The following FGD6 variants were observed in gnomAD, a reference collection of about 807,000 sequenced individuals.
FGD6 encodes FYVE, RhoGEF and PH domain-containing protein 6.
Under a neutral mutation model 149.4 loss-of-function variants are expected in FGD6, and 90 were observed. The ratio of observed to expected loss-of-function variants is 0.60; its 90% confidence interval spans 0.51 to 0.72. FGD6 has a LOEUF of 0.72. Ranked by LOEUF, FGD6 falls within the 30% of genes least tolerant of loss-of-function variation. The probability of loss-of-function intolerance (pLI) is 0.00; values close to 1 mark genes in which losing one functional copy is unlikely to be tolerated. For missense variants in FGD6, 1,437 were observed against 1,684.8 expected (o/e 0.85, Z 2.57); for synonymous variants, 527 against 584.0 (o/e 0.90, Z 1.41).
At position 95,172,644 on chromosome 12, in the gene FGD6, A is replaced by G. The variant is rs1464405654; in HGVS notation, c.2542T>C (p.Ser848Pro). 4.3e-6 allele frequency: 7 copies of G among 1,613,316 alleles called. No individual in the cohort carries two copies. Among genetic ancestry groups the G allele is most frequent in the Non-Finnish European group, 5.9e-6 (7 of 1,179,588 alleles). ...TCAGGCTCTCCTTTACTTGACTCAG[A>G]GCTGACATCATCTTCATCAGAACTG... ...INSSDEDDVS[S>P]ESSKGEPDPL... Residue 848 changes from serine (S) to proline (P), a missense_variant, in exon 3 of 21, where the codon TCT becomes CCT. By Grantham distance (74) the Ser-to-Pro change is moderately conservative. Transcript: ENST00000343958.
chr12:95,152,826 T>C lies in FGD6; in HGVS notation c.2670A>G (p.Leu890=). The C allele has an allele frequency of 6.2e-7, 1 of 1,613,250 alleles. No homozygotes were observed. The highest frequency in any genetic ancestry group is 8.5e-7 in the Non-Finnish European group (1 of 1,179,554). ...MSSEKVFVDV[L]KLLHIDFRDA... ...AGATACTTACAATATGCAAAAGTTTTAACACATCCACAAACCTGTAAAAAA... is the reference window on the plus strand; with the variant it reads ...AGATACTTACAATATGCAAAAGTTTCAACACATCCACAAACCTGTAAAAAA... The change falls in exon 5 of 21, where the codon TTA becomes TTG. Residue 890 remains leucine (L), a synonymous_variant. Coordinates refer to ENST00000343958, the MANE Select transcript of FGD6 (RefSeq NM_018351.4).
chr12:95,145,264 C>T (rs1286246761), intron 5 of FGD6, among the ~76,000 whole-genome samples: 6 of 152,168 alleles, frequency 3.9e-5, no homozygotes, highest in African/African-American at 1.2e-4. Context: ...GTTGGGATTA[C>T]AGGCGTGAGC....
At chr12:95,202,190 C>T (rs1243939432) in intron 2 of FGD6, among the ~76,000 whole-genome samples, 1 of 151,880 alleles carries the variant, frequency 6.6e-6, no homozygotes, top group Non-Finnish European at 1.5e-5. Flanking sequence ...AGTTCAATAC[C>T]AGCCTGGCCA....
At chr12:95,106,899 A>AAACAC in intron 13 of FGD6, 55 bp downstream of exon 13, 1 of 1,253,710 alleles carries the variant, frequency 8.0e-7, no homozygotes, top group Non-Finnish European at 1.1e-6. Context: ...GTCTCAAACA[A>AAACAC]AACAAAACAA....
rs545260572 is a variant in FGD6 at position 95,164,498 on chromosome 12, T to C, written c.2586+8102A>G. Among the ~76,000 whole-genome samples the C allele has an allele frequency of 3.9e-5, 6 of 152,156 alleles. No individual in the cohort carries two copies. In the East Asian group the frequency reaches 1.2e-3, roughly 29 times the overall value. On this transcript the variant is annotated intron_variant, in intron 3 of 20. Coordinates refer to ENST00000343958, the MANE Select transcript of FGD6 (RefSeq NM_018351.4). ...AGGCTGGACTGCAGTGGCGGGAATC[T>C]CAGCTCACTGCAACCTCCACCTCCC...
At chr12:95,142,058 C>T (rs1460084351) in intron 5 of FGD6, among the ~76,000 whole-genome samples, 1 of 151,880 alleles carries the variant, frequency 6.6e-6, no homozygotes, top group African/African-American at 2.4e-5. Flanking sequence ...CAGGATGGAG[C>T]GCAGTGGCCC....
intron 17 of FGD6, among the ~76,000 whole-genome samples, chr12:95,089,949 G>C (rs972782001): frequency 2.0e-5 from 3 of 151,940 alleles, no homozygotes; most frequent in Non-Finnish European, 4.4e-5. Flanking sequence ...TATGAAACAC[G>C]TGACTATACT....
chr12:95,167,826 C>T (rs1312955499), intron 3 of FGD6, among the ~76,000 whole-genome samples: 7 of 151,992 alleles, frequency 4.6e-5, no homozygotes, highest in African/African-American at 9.7e-5. Flanking sequence ...CTGCCCGCCT[C>T]GACCTCCCAA....
In FGD6 at chr12:95,209,685, C is replaced by G. The variant is rs1324345303; in HGVS notation, c.1599G>C (p.Glu533Asp). 3.1e-6 allele frequency: 5 copies of G among 1,613,372 alleles called. No homozygotes were observed. Among genetic ancestry groups the G allele is most frequent in the Non-Finnish European group, 4.2e-6 (5 of 1,179,890 alleles). Residue 533 changes from glutamate to aspartate, a missense_variant, in exon 2 of 21, where the codon GAG (glutamate) becomes GAC (aspartate). This residue lies in a region of FGD6 where 1,055 missense variants were observed against 1,146.0 expected (regional missense o/e 0.92). Coordinates refer to ENST00000343958, the MANE Select transcript of FGD6 (RefSeq NM_018351.4). ...GAAGGTGATTTCTTTCTAGACTCTT[C>G]TCTGAACTTTTTTCTTCACTTGAAG... is the stretch of plus-strand genomic sequence containing the variant. ...SYPSSEEKSS[E>D]KSLERNHLQH...
At chr12:95,182,723 G>A (rs1881319258) in intron 2 of FGD6, among the ~76,000 whole-genome samples, 1 of 152,162 alleles carries the variant, frequency 6.6e-6, no homozygotes, top group Non-Finnish European at 1.5e-5. Flanking sequence ...GATGAAGGCA[G>A]AAGGGATTGA....
At chr12:95,098,062 T>C (rs1165166108) in intron 14 of FGD6, among the ~76,000 whole-genome samples, 1 of 152,106 alleles carries the variant, frequency 6.6e-6, no homozygotes, top group Non-Finnish European at 1.5e-5. Flanking sequence ...AATATATGTC[T>C]CTGGCCCCTA....
chr12:95,125,954 A>G (rs879166470), intron 8 of FGD6: 12 of 1,439,566 alleles, frequency 8.3e-6, no homozygotes, highest in Non-Finnish European at 1.2e-5. Context: ...TCAAGTTTCC[A>G]TACAGTGCCC....
intron 2 of FGD6, among the ~76,000 whole-genome samples, chr12:95,193,312 A>G (rs1389946697): frequency 6.6e-6 from 1 of 151,982 alleles, no homozygotes; most frequent in Non-Finnish European, 1.5e-5. Flanking sequence ...AGAAAAAGCT[A>G]TTGGCATACG....
In FGD6 at chr12:95,194,360, T is replaced by C. The variant is rs148525539; in HGVS notation, c.2441+14483A>G. ...AAGCGATTCTCCTGCCCCAGCCTCC[T>C]GAATAGCTCAGATTACAGGCATGAA... On this transcript the variant is annotated intron_variant, in intron 2 of 20. Coordinates refer to ENST00000343958, the MANE Select transcript of FGD6 (RefSeq NM_018351.4). 6.2e-3 allele frequency among the ~76,000 whole-genome samples: 943 copies of C among 152,254 alleles called. 16 individuals are homozygous for C. The highest frequency in any genetic ancestry group is 0.021 in the African/African-American group (893 of 41,536).
At chr12:95,215,854 C>T (rs895738798) in intron 1 of FGD6, among the ~76,000 whole-genome samples, 2 of 152,130 alleles carry the variant, frequency 1.3e-5, no homozygotes, top group African/African-American at 4.8e-5. Flanking sequence ...ATTTTAAATA[C>T]ATTTGACACC....
chr12:95,204,255 T>C (rs1327655982), intron 2 of FGD6, among the ~76,000 whole-genome samples: 1 of 152,138 alleles, frequency 6.6e-6, no homozygotes, highest in African/African-American at 2.4e-5. Context: ...CCAGTCTCCT[T>C]CATCTTCAGG....
chr12:95,129,186 G>A (rs1296434701), intron 8 of FGD6, among the ~76,000 whole-genome samples: 1 of 152,200 alleles, frequency 6.6e-6, no homozygotes. Flanking sequence ...GGAGGAAAGA[G>A]AAAAGGGAAG....
intron 3 of FGD6, 72 bp from the exon 4 acceptor site, chr12:95,153,065 C>T (rs936016519): frequency 2.4e-5 from 32 of 1,323,286 alleles, no homozygotes; most frequent in South Asian, 1.7e-4. Flanking sequence ...TAGTCAGACA[C>T]GAATTTTAAC....
At chr12:95,213,471 T>C (rs1326818725) in intron 1 of FGD6, among the ~76,000 whole-genome samples, 5 of 152,146 alleles carry the variant, frequency 3.3e-5, no homozygotes, top group Non-Finnish European at 1.5e-5. Flanking sequence ...GGATGTACCA[T>C]GTGAATGTAC....
Sources: allele counts gnomAD v4.1 joint callset (sites outside exome capture counted in the v4.1 genomes callset), GRCh38; gene constraint gnomAD v4.1.1; regional missense constraint gnomAD v4.1.1; transcripts MANE v1.5; gene names NCBI Gene and HGNC (gene_info 2026-07-23, HGNC 2026-07-21).